GNAQ: variants seen among roughly 807,000 people sequenced by gnomAD.
GNAQ encodes the protein G protein subunit alpha q.
A neutral mutation model predicts 43.9 loss-of-function variants in GNAQ; 8 were observed. The ratio of observed to expected loss-of-function variants is 0.18; its 90% CI spans 0.11 to 0.33. GNAQ has a LOEUF of 0.33. Ranked by LOEUF, GNAQ falls within the 10% of genes least tolerant of loss-of-function variation. The pLI is 1.00. For missense variants in GNAQ, 158 were observed against 450.8 expected (o/e 0.35, Z 5.88); for synonymous variants, 155 against 170.7 (o/e 0.91, Z 0.71).
intron 1 of GNAQ, among the ~76,000 whole-genome samples, chr9:77,975,417 T>C (rs992838873): frequency 6.6e-6 from 1 of 152,004 alleles, no homozygotes; most frequent in African/African-American, 2.4e-5. Context: ...TTTGTATTAA[T>C]ATAATTATCT....
chr9:77,870,906 G>A (rs1468668387), intron 2 of GNAQ, among the ~76,000 whole-genome samples: 2 of 152,052 alleles, frequency 1.3e-5, no homozygotes, highest in Non-Finnish European at 2.9e-5. Flanking sequence ...TATGGAATTT[G>A]ACATCAGGCA....
At chr9:77,882,603 A>C (rs896688001) in intron 2 of GNAQ, among the ~76,000 whole-genome samples, 1 of 152,232 alleles carries the variant, frequency 6.6e-6, no homozygotes, top group Non-Finnish European at 1.5e-5. Flanking sequence ...ACAGGGCTAG[A>C]GAAGATGGCC....
chr9:77,888,640 A>C (rs913034066), intron 2 of GNAQ, among the ~76,000 whole-genome samples: 2 of 152,122 alleles, frequency 1.3e-5, no homozygotes, highest in Non-Finnish European at 2.9e-5. Flanking sequence ...TAAAAAAAGT[A>C]CTCTGAATCT....
chr9:77,760,219 T>TCCCTCTCCCTCTCCC (rs1378148454), intron 5 of GNAQ, among the ~76,000 whole-genome samples: 1 of 36,658 alleles, frequency 2.7e-5, no homozygotes, highest in African/African-American at 6.9e-5. Flanking sequence ...ATCCTGGACT[T>TCCCTCTCCCTCTCCC]CCCTCTCCCT....
chr9:77,764,691 G>A (rs905311754), intron 5 of GNAQ, among the ~76,000 whole-genome samples: 8 of 152,224 alleles, frequency 5.3e-5, no homozygotes, highest in African/African-American at 7.2e-5. Context: ...TCCTGACCTC[G>A]TGATCCGCCA....
intron 1 of GNAQ, among the ~76,000 whole-genome samples, chr9:77,992,445 T>C (rs1021777898): frequency 3.3e-5 from 5 of 152,156 alleles, no homozygotes; most frequent in Admixed American, 1.3e-4. Context: ...CACAAAATAG[T>C]GAAATTTGTT....
chr9:77,757,330 CT>C (rs1825920243), intron 5 of GNAQ, among the ~76,000 whole-genome samples: 1 of 152,178 alleles, frequency 6.6e-6, no homozygotes, highest in African/African-American at 2.4e-5. Context: ...ATTTATCTCA[CT>C]TTCAGCTAGC....
intron 5 of GNAQ, among the ~76,000 whole-genome samples, chr9:77,748,323 G>C (rs754854217): frequency 6.6e-6 from 1 of 152,178 alleles, no homozygotes; most frequent in Non-Finnish European, 1.5e-5. Context: ...AATGAAAGTA[G>C]AGTAAATGAC....
chr9:77,786,518 T>G (rs976732314), intron 5 of GNAQ, among the ~76,000 whole-genome samples: 1 of 152,132 alleles, frequency 6.6e-6, no homozygotes, highest in Non-Finnish European at 1.5e-5. Context: ...ACGGAGATAT[T>G]TGCTGATTCT....
intron 2 of GNAQ, among the ~76,000 whole-genome samples, chr9:77,905,165 G>C (rs759008220): frequency 5.9e-5 from 9 of 152,154 alleles, no homozygotes; most frequent in Non-Finnish European, 1.2e-4. Flanking sequence ...ATTGAATGTG[G>C]AACTTGGAAC....
At chr9:78,004,940 A>G (rs556113532) in intron 1 of GNAQ, among the ~76,000 whole-genome samples, 19 of 152,238 alleles carry the variant, frequency 1.2e-4, no homozygotes, top group African/African-American at 4.6e-4. Context: ...GTAAGGAATA[A>G]GGCTAGAAGA....
intron 2 of GNAQ, among the ~76,000 whole-genome samples, chr9:77,895,236 T>C (rs917607053): frequency 6.6e-6 from 1 of 151,400 alleles, no homozygotes; most frequent in Admixed American, 6.6e-5. Context: ...AAACATCGAC[T>C]CTGTGCAAGG....
intron 1 of GNAQ, among the ~76,000 whole-genome samples, chr9:77,943,073 G>C (rs1416571178): frequency 6.6e-6 from 1 of 152,162 alleles, no homozygotes; most frequent in African/African-American, 2.4e-5. Context: ...ACTATTTTTA[G>C]AAGTTCCACT....
rs568444825 is a variant in GNAQ at position 77,752,137 on chromosome 9, C to G, written c.736-23470G>C. Among the ~76,000 whole-genome samples the G allele has an allele frequency of 2.0e-5, 3 of 152,266 alleles. No homozygotes were observed. The South Asian group carries it at 6.2e-4, about 32-fold the overall frequency. ...AGTCACTTTAAGTTAATCACTCTGA[C>G]AAGTATTTCTGTTTGCAGTTGAATT... On this transcript the variant is annotated intron_variant, in intron 5 of 6. Coordinates refer to ENST00000286548, the MANE Select transcript of GNAQ (RefSeq NM_002072.5).
chr9:77,889,327 C>T (rs763994880), intron 2 of GNAQ, among the ~76,000 whole-genome samples: 30 of 134,368 alleles, frequency 2.2e-4, no homozygotes, highest in Middle Eastern at 4.5e-3. Context: ...GGGAGGACTG[C>T]GTGAGCCTGG....
chr9:77,910,404 T>C (rs949481144), intron 2 of GNAQ, among the ~76,000 whole-genome samples: 1 of 152,224 alleles, frequency 6.6e-6, no homozygotes, highest in African/African-American at 2.4e-5. Flanking sequence ...ACAAGGAAAG[T>C]ATTCATCTGA....
At position 77,717,742 on chromosome 9, in the gene GNAQ, A is replaced by C; in HGVS notation, c.*3581T>G. The C allele has an allele frequency of 4.3e-6, 1 of 232,612 alleles. No individual in the cohort carries two copies. The highest frequency in any genetic ancestry group is 1.8e-4 in the South Asian group (1 of 5,524). The allele number at this position is 232,612 out of a possible 1,614,324, so 14.4% of individuals were successfully genotyped here. A position where few individuals can be genotyped will look rare whatever the true frequency, so the allele number is the denominator to read the frequency against. ...GCTAGTTAATCTACCAAAAAAAAAAAAATACAAGTTTTACGTGTTCTTCAG... is the reference window on the plus strand; with the variant it reads ...GCTAGTTAATCTACCAAAAAAAAAACAATACAAGTTTTACGTGTTCTTCAG... On this transcript the variant is annotated 3_prime_UTR_variant, in exon 7 of 7. Transcript: ENST00000286548.
At chr9:77,883,640 C>G (rs1457505801) in intron 2 of GNAQ, among the ~76,000 whole-genome samples, 1 of 151,424 alleles carries the variant, frequency 6.6e-6, no homozygotes, top group Non-Finnish European at 1.5e-5. Flanking sequence ...AACCCTTGCC[C>G]CCGCCCCCAC....
In GNAQ at chr9:77,740,093, T is replaced by C. The variant is rs143055998; in HGVS notation, c.736-11426A>G. Among the ~76,000 whole-genome samples the C allele has an allele frequency of 5.1e-3, 783 of 152,192 alleles. 8 individuals are homozygous for C. Among genetic ancestry groups the C allele is most frequent in the African/African-American group, 0.018 (748 of 41,512 alleles). Reference sequence around the variant, plus strand: ...TAACCCAAAACAATTCAGTAAAATATTTCCTTCATTGTCTCAAAATATTTT... The same window carrying C: ...TAACCCAAAACAATTCAGTAAAATACTTCCTTCATTGTCTCAAAATATTTT... On this transcript the variant is annotated intron_variant, in intron 5 of 6. Transcript: ENST00000286548.
Sources: gnomAD v4.1 joint callset for allele counts (sites outside exome capture counted in the v4.1 genomes callset) on GRCh38, gnomAD v4.1.1 for gene constraint, MANE v1.5 for transcripts, NCBI Gene and HGNC (gene_info 2026-07-23, HGNC 2026-07-21) for gene names.